Variants in STK33 observed in about 807,000 individuals in gnomAD.
STK33 encodes the protein serine/threonine-protein kinase 33.
STK33 carries 52 observed loss-of-function variants against 58.0 expected under a neutral mutation model. The ratio of observed to expected loss-of-function variants is 0.90; its 90% CI spans 0.72 to 1.13. The LOEUF (loss-of-function observed/expected upper bound fraction) is 1.13, where lower values mean the gene tolerates loss of function less well. Among genes scored for constraint, STK33 ranks in the 50% most tolerant of loss-of-function variants. The pLI, the probability that STK33 is intolerant of heterozygous loss-of-function variation, is 0.00. For synonymous variants in STK33, 215 were observed against 200.1 expected (o/e 1.07, Z -0.63); for missense variants, 630 against 604.2 (o/e 1.04, Z -0.45).
At chr11:8,367,610 A>G in the STK33 span, among the ~76,000 whole-genome samples, 2,546 of 152,292 alleles carry the variant, frequency 0.017, 23 homozygotes, top group East Asian at 0.038. Flanking sequence ...GTTCCAGACT[A>G]AAGATGCTTT....
intron 1 of STK33, among the ~76,000 whole-genome samples, chr11:8,563,456 G>A (rs562147298): frequency 1.3e-5 from 2 of 152,280 alleles, no homozygotes; most frequent in South Asian, 4.1e-4. Flanking sequence ...ATGACTAAGT[G>A]TATGAACGTA....
chr11:8,426,563 T>C (rs199879596), intron 14 of STK33, among the ~76,000 whole-genome samples: 21 of 152,352 alleles, frequency 1.4e-4, no homozygotes, highest in African/African-American at 3.8e-4. Flanking sequence ...GCTGGGATTA[T>C]AGGCGTGAGC....
At chr11:8,552,164 C>T (rs1338597049) in intron 1 of STK33, among the ~76,000 whole-genome samples, 4 of 152,234 alleles carry the variant, frequency 2.6e-5, no homozygotes. Flanking sequence ...AGCCATAGGT[C>T]TAGAAAAATT....
intron 1 of STK33, among the ~76,000 whole-genome samples, chr11:8,546,011 G>A (rs1188377564): frequency 6.6e-6 from 1 of 152,162 alleles, no homozygotes; most frequent in Non-Finnish European, 1.5e-5. Flanking sequence ...ATTAAATACT[G>A]TAGGCAATTG....
Position 8,487,417 on chromosome 11 carries a change from G to C in STK33, c.-465-6803C>G, listed in dbSNP as rs1266634426. Among the ~76,000 whole-genome samples the C allele has an allele frequency of 2.6e-5, 3 of 114,726 alleles. No homozygotes were observed. In the East Asian group the frequency reaches 7.8e-4, roughly 30 times the overall value. 75.3% of individuals were successfully genotyped at this position (114,726 alleles called of 152,430 possible). A position where few individuals can be genotyped will look rare whatever the true frequency, so the allele number is the denominator to read the frequency against. Reference sequence around the variant, plus strand: ...AGCCTGAGTGACACAGTGAGACCCAGTCTCAAAAAAAAAAAAAAAAAAAAA... The same window carrying C: ...AGCCTGAGTGACACAGTGAGACCCACTCTCAAAAAAAAAAAAAAAAAAAAA... On this transcript the variant is annotated intron_variant, in intron 1 of 15. Transcript: ENST00000687296.
rs751834933 is a variant in STK33 at position 8,457,489 on chromosome 11, T to A, written c.559-10A>T. The A allele has an allele frequency of 6.3e-7, 1 of 1,584,660 alleles. No homozygotes were observed. The highest frequency in any genetic ancestry group is 1.3e-5 in the African/African-American group (1 of 74,398). On this transcript the variant is annotated splice_polypyrimidine_tract_variant and intron_variant, in intron 8 of 15. Coordinates refer to ENST00000687296, the MANE Select transcript of STK33 (RefSeq NM_001352389.2). ...TCACAAGGTACATTTTCTGACATTATATATATAAAAGAGAGAGAGAGCAAA... is the reference window on the plus strand; with the variant it reads ...TCACAAGGTACATTTTCTGACATTAAATATATAAAAGAGAGAGAGAGCAAA...
chr11:8,422,113 T>C (rs1942007715), intron 14 of STK33, among the ~76,000 whole-genome samples: 2 of 152,172 alleles, frequency 1.3e-5, no homozygotes, highest in Admixed American at 1.3e-4. Context: ...CATTTCCTAT[T>C]CAGAATGACA....
At chr11:8,486,392 T>C (rs1017552030) in intron 1 of STK33, among the ~76,000 whole-genome samples, 2 of 151,770 alleles carry the variant, frequency 1.3e-5, no homozygotes, top group African/African-American at 2.4e-5. Flanking sequence ...GGCCTTCTTA[T>C]GTGTACTCTC....
At chr11:8,389,041 G>T (rs1386935421), downstream of STK33, among the ~76,000 whole-genome samples, 1 of 152,200 alleles carries the variant, frequency 6.6e-6, no homozygotes, top group Non-Finnish European at 1.5e-5. Context: ...ATAAGGAAAG[G>T]GTCTCCACCA....
At chr11:8,562,839 A>G (rs778214631) in intron 1 of STK33, among the ~76,000 whole-genome samples, 3 of 152,224 alleles carry the variant, frequency 2.0e-5, no homozygotes, top group Non-Finnish European at 4.4e-5. Flanking sequence ...AGATACAGCA[A>G]TGAAGAAGAC....
chr11:8,383,885 C>T, the STK33 span, among the ~76,000 whole-genome samples: 4 of 152,110 alleles, frequency 2.6e-5, no homozygotes, highest in East Asian at 3.9e-4. Context: ...CACACAGTTT[C>T]GCTATTAACT....
At chr11:8,555,747 TA>T (rs1191988103) in intron 1 of STK33, among the ~76,000 whole-genome samples, 3 of 152,096 alleles carry the variant, frequency 2.0e-5, no homozygotes, top group African/African-American at 7.2e-5. Flanking sequence ...AGGTGATGAA[TA>T]TGTTAATTAG....
chr11:8,451,172 A>G (rs1040492959), intron 11 of STK33, among the ~76,000 whole-genome samples: 3 of 152,338 alleles, frequency 2.0e-5, no homozygotes, highest in South Asian at 4.1e-4. Flanking sequence ...TGGCAATTTC[A>G]TAAAAAATTA....
At chr11:8,349,461 C>T in the STK33 span, among the ~76,000 whole-genome samples, 24 of 152,318 alleles carry the variant, frequency 1.6e-4, no homozygotes, top group East Asian at 1.4e-3. Context: ...GCAGGGCCCA[C>T]GCTCAGAATC....
rs1226315163 is a variant in STK33, at chr11:8,544,016, AT to A, written c.-466+50066del. Among the ~76,000 whole-genome samples, 3 of 152,094 alleles carry A rather than the reference AT, an allele frequency of 2.0e-5. No homozygotes were observed. In the East Asian group the frequency reaches 5.8e-4, roughly 29 times the overall value. On this transcript the variant is annotated intron_variant, in intron 1 of 15. Transcript: ENST00000687296. ...AAATAATACTAAATGATTTTTTTCC[AT>A]TTTTTTATTATACTTTAAGTTCTGG... is the stretch of plus-strand genomic sequence containing the variant.
At chr11:8,468,052 A>T (rs1250062665) in intron 6 of STK33, among the ~76,000 whole-genome samples, 1 of 152,154 alleles carries the variant, frequency 6.6e-6, no homozygotes, top group Non-Finnish European at 1.5e-5. Flanking sequence ...ATAAAGACAT[A>T]CCCGAGACTG....
intron 1 of STK33, among the ~76,000 whole-genome samples, chr11:8,573,391 C>G (rs1957956555): frequency 1.3e-5 from 2 of 152,120 alleles, no homozygotes; most frequent in Non-Finnish European, 2.9e-5. Flanking sequence ...AATGAAGTAT[C>G]ATCAATCAGA....
the STK33 span, among the ~76,000 whole-genome samples, chr11:8,366,559 G>A: frequency 6.6e-6 from 1 of 152,194 alleles, no homozygotes; most frequent in African/African-American, 2.4e-5. Context: ...GTGACCTTGG[G>A]CAAGTGGCTT....
chr11:8,485,101 T>G (rs1950109357), intron 1 of STK33, among the ~76,000 whole-genome samples: 1 of 152,222 alleles, frequency 6.6e-6, no homozygotes, highest in Non-Finnish European at 1.5e-5. Context: ...ACATTGATGA[T>G]TCTGATTAAA....
Sources: gnomAD v4.1 joint callset for allele counts (sites outside exome capture counted in the v4.1 genomes callset) on GRCh38, gnomAD v4.1.1 for gene constraint, MANE v1.5 for transcripts, NCBI Gene and HGNC (gene_info 2026-07-23, HGNC 2026-07-21) for gene names.